Variants in SCAI observed in about 807,000 individuals in gnomAD.
The protein encoded by SCAI is suppressor of cancer cell invasion.
In SCAI, 24 loss-of-function variants were observed where a neutral mutation model predicts 92.2. That is an observed-to-expected ratio of 0.26 (90% CI 0.19 to 0.37). The LOEUF (loss-of-function observed/expected upper bound fraction) is 0.37, where lower values mean the gene tolerates loss of function less well. Ranked by LOEUF, SCAI falls within the 10% of genes least tolerant of loss-of-function variation. The probability of loss-of-function intolerance (pLI) is 1.00; values close to 1 mark genes in which losing one functional copy is unlikely to be tolerated. For missense variants in SCAI, 450 were observed against 736.2 expected, an observed-to-expected ratio of 0.61 and a Z score of 4.50; for synonymous variants, 261 against 258.6, an observed-to-expected ratio of 1.01 and a Z score of -0.09.
chr9:125,121,171 A>T (rs1395502176), intron 2 of SCAI, among the ~76,000 whole-genome samples: 2 of 151,468 alleles, frequency 1.3e-5, no homozygotes, highest in African/African-American at 2.4e-5. Context: ...AGCAGTAAAA[A>T]TCCTTAAAAG....
At chr9:125,122,845 G>A (rs1835183443) in intron 2 of SCAI, among the ~76,000 whole-genome samples, 1 of 152,200 alleles carries the variant, frequency 6.6e-6, no homozygotes. Context: ...AGTCAAGGCT[G>A]CAGTGAGCCA....
Position 124,944,091 on chromosome 9 carries a change from T to C in SCAI, c.*8716A>G, listed in dbSNP as rs1564351200. 6.6e-6 allele frequency: 1 copy of C among 152,198 alleles called. No individual in the cohort carries two copies. The highest frequency in any genetic ancestry group is 1.9e-4 in the East Asian group (1 of 5,200). The allele number at this position is 152,198 out of a possible 1,614,324, so 9.4% of individuals were successfully genotyped here. On this transcript the variant is annotated 3_prime_UTR_variant, in exon 18 of 18. Transcript: ENST00000336505. ...ATCCAAAATCTAAAGGTTTCTCTGA[T>C]TGTTGAACAGCAAGGTTTATTAAAA...
At chr9:124,999,810 C>T (rs1832319837) in intron 13 of SCAI, 81 bp downstream of exon 13, 2 of 723,728 alleles carry the variant, frequency 2.8e-6, no homozygotes, top group African/African-American at 1.9e-5. Context: ...CTAGAAAAAA[C>T]TCCCCATTTT....
intron 2 of SCAI, among the ~76,000 whole-genome samples, chr9:125,103,906 G>A (rs938720275): frequency 1.3e-5 from 2 of 152,172 alleles, no homozygotes; most frequent in African/African-American, 2.4e-5. Context: ...CCTGTAGGGA[G>A]AAGTGTATCT....
chr9:125,097,381 C>CAAG (rs1336836500), intron 2 of SCAI, among the ~76,000 whole-genome samples: 1 of 151,736 alleles, frequency 6.6e-6, no homozygotes, highest in Non-Finnish European at 1.5e-5. Flanking sequence ...TGCAGTGAGC[C>CAAG]AAGATCATGC....
At position 125,042,871 on chromosome 9, in the gene SCAI, T is replaced by G. The variant is rs1299251127; in HGVS notation, c.230+13005A>C. ...TCTGCTCCCTGGCTTTTTTTTTTTT[T>G]TTTTTTTTTTTTTTTTTGACAGAGT... On this transcript the variant is annotated intron_variant, in intron 3 of 17. Transcript: ENST00000336505. 3.3e-5 allele frequency among the ~76,000 whole-genome samples: 4 copies of G among 121,048 alleles called. No homozygotes were observed. The Admixed American group carries it at 3.3e-4, about 10-fold the overall frequency. The allele number at this position is 121,048 out of a possible 152,430, so 79.4% of individuals were successfully genotyped here.
chr9:124,987,854 T>C (rs185937155), intron 14 of SCAI, among the ~76,000 whole-genome samples: 2 of 152,104 alleles, frequency 1.3e-5, no homozygotes, highest in East Asian at 3.9e-4. Context: ...TCCCAGCTAC[T>C]TGGGAGGCTA....
chr9:124,966,285 C>T (rs966680847), intron 17 of SCAI, among the ~76,000 whole-genome samples: 1 of 140,730 alleles, frequency 7.1e-6, no homozygotes, highest in Non-Finnish European at 1.5e-5. Flanking sequence ...TGTCCATGTG[C>T]TCTCATTGTT....
rs1834427876 is a variant in SCAI, at chr9:125,091,545, T to A, written c.99-35538A>T. On this transcript the variant is annotated intron_variant, in intron 2 of 17. Coordinates refer to ENST00000336505, the MANE Select transcript of SCAI (RefSeq NM_001144877.3). This position sits in a 1 kb window ranked among gnomAD's most constrained non-coding sequence, Gnocchi z 4.3. The stretch of plus-strand genomic sequence containing the variant: ...CAGCTTTCAAAGTGAATATTTAGTT[T>A]TATTTATCACTCAGTTAAATCCAAC... 6.6e-6 allele frequency among the ~76,000 whole-genome samples: 1 copy of A among 152,254 alleles called. No individual in the cohort carries two copies. The highest frequency in any genetic ancestry group is 2.4e-5 in the African/African-American group (1 of 41,470).
At chr9:125,049,747 C>A (rs547947090) in intron 3 of SCAI, among the ~76,000 whole-genome samples, 171 of 152,132 alleles carry the variant, frequency 1.1e-3, no homozygotes, top group Non-Finnish European at 2.1e-3. Context: ...CACCTCCAAG[C>A]GTAAAAAGAG....
chr9:125,077,257 A>C (rs1834109104), intron 2 of SCAI, among the ~76,000 whole-genome samples: 2 of 152,348 alleles, frequency 1.3e-5, no homozygotes, highest in East Asian at 3.9e-4. Flanking sequence ...AGGAGAAAGA[A>C]AAATTACTTT....
chr9:125,087,428 A>G (rs886635436), intron 2 of SCAI, among the ~76,000 whole-genome samples: 1 of 152,244 alleles, frequency 6.6e-6, no homozygotes, highest in Non-Finnish European at 1.5e-5. Context: ...GGTACTAGCT[A>G]GTAAGTAGTA....
At chr9:125,051,502 A>G (rs1833560268) in intron 3 of SCAI, among the ~76,000 whole-genome samples, 1 of 152,238 alleles carries the variant, frequency 6.6e-6, no homozygotes, top group South Asian at 2.1e-4. Context: ...TAAGATTTAT[A>G]TTTCAAAATA....
At chr9:125,044,388 A>G (rs1268859028) in intron 3 of SCAI, among the ~76,000 whole-genome samples, 3 of 152,018 alleles carry the variant, frequency 2.0e-5, no homozygotes, top group Non-Finnish European at 4.4e-5. Context: ...TACAGAAAGG[A>G]GCTACCCACT....
At chr9:124,961,630 A>G (rs1021978520) in intron 17 of SCAI, among the ~76,000 whole-genome samples, 24 of 146,608 alleles carry the variant, frequency 1.6e-4, no homozygotes, top group African/African-American at 4.3e-4. Flanking sequence ...AGCCTAGGCA[A>G]CAGAGCAAGA....
At chr9:125,069,617 CTTTTTTT>C (rs919064250) in intron 2 of SCAI, among the ~76,000 whole-genome samples, 2 of 91,032 alleles carry the variant, frequency 2.2e-5, no homozygotes, top group East Asian at 3.7e-4. Flanking sequence ...TGCACCCGGT[CTTTTTTT>C]TTTTTTTTTT....
rs561551890 is a variant in SCAI, at chr9:125,126,690, A to T, written c.98+15943T>A. On this transcript the variant is annotated intron_variant, in intron 2 of 17. Transcript: ENST00000336505. ...TCACTTCTCCTGTGTTCTATTCACT[A>T]GAAGTGCATCGCTAAGTCCAGCCCA... Among the ~76,000 whole-genome samples the T allele has an allele frequency of 9.2e-5, 14 of 152,290 alleles. No individual in the cohort carries two copies. The South Asian group carries it at 2.9e-3, about 32-fold the overall frequency.
intron 2 of SCAI, among the ~76,000 whole-genome samples, chr9:125,129,954 C>T (rs762620252): frequency 2.4e-4 from 36 of 149,714 alleles, no homozygotes; most frequent in Non-Finnish European, 4.5e-4. Flanking sequence ...GGTGGAGTGC[C>T]GTAATGCTAT....
At chr9:124,991,261 A>G (rs1364278766) in intron 14 of SCAI, among the ~76,000 whole-genome samples, 6 of 142,682 alleles carry the variant, frequency 4.2e-5, no homozygotes, top group Non-Finnish European at 7.6e-5. Flanking sequence ...CTGAGGCAGG[A>G]GAATTGCTTG....
Sources: allele counts gnomAD v4.1 joint callset (sites outside exome capture counted in the v4.1 genomes callset), GRCh38; gene constraint gnomAD v4.1.1; non-coding constraint Gnocchi (gnomAD v3.1); transcripts MANE v1.5; gene names NCBI Gene and HGNC (gene_info 2026-07-23, HGNC 2026-07-21).